The following SLIT3 variants were observed in gnomAD, a reference collection of about 807,000 sequenced individuals.
SLIT3 encodes the protein slit homolog 3 protein.
Under a neutral mutation model 184.0 loss-of-function variants are expected in SLIT3, and 68 were observed. The observed-to-expected ratio is 0.37, with a 90% CI of 0.30 to 0.45. SLIT3 has a LOEUF of 0.45. SLIT3 is among the 20% of genes least tolerant of loss of function. The pLI, the probability that SLIT3 is intolerant of heterozygous loss-of-function variation, is 1.00. For synonymous variants in SLIT3, 831 were observed against 828.6 expected (o/e 1.00, Z -0.05); for missense variants, 1,707 against 2,026.0 (o/e 0.84, Z 3.02).
At chr5:169,077,093 CCTCTT>C (rs1244714849) in intron 4 of SLIT3, among the ~76,000 whole-genome samples, 2 of 152,164 alleles carry the variant, frequency 1.3e-5, no homozygotes, top group Non-Finnish European at 2.9e-5. Flanking sequence ...AACAAACTCT[CCTCTT>C]CTTCCTCCTC....
At chr5:168,857,131 G>A (rs752737979) in intron 5 of SLIT3, among the ~76,000 whole-genome samples, 15 of 152,052 alleles carry the variant, frequency 9.9e-5, no homozygotes, top group Non-Finnish European at 1.9e-4. Flanking sequence ...CCTACTTGGG[G>A]ACCACCTGGG....
At chr5:168,705,812 C>T (rs143957416) in intron 26 of SLIT3, among the ~76,000 whole-genome samples, 105 of 152,286 alleles carry the variant, frequency 6.9e-4, no homozygotes, top group Non-Finnish European at 1.3e-3. Context: ...CCCAGCTCTA[C>T]TACTTTCAGA....
At chr5:168,897,266 C>T (rs1475321136) in intron 4 of SLIT3, among the ~76,000 whole-genome samples, 1 of 152,156 alleles carries the variant, frequency 6.6e-6, no homozygotes, top group Non-Finnish European at 1.5e-5. Context: ...TGAGGCAGGA[C>T]TCCTTGGATG....
chr5:168,952,528 CAAAA>C (rs372134778), intron 4 of SLIT3, among the ~76,000 whole-genome samples: 29 of 77,928 alleles, frequency 3.7e-4, no homozygotes, highest in African/African-American at 1.2e-3. Context: ...GGGAAAATGC[CAAAA>C]AAAAAAAAAA....
At chr5:168,760,667 A>G (rs1026601898) in intron 16 of SLIT3, among the ~76,000 whole-genome samples, 195 bp downstream of exon 16, 14 of 152,178 alleles carry the variant, frequency 9.2e-5, no homozygotes, top group African/African-American at 3.4e-4. Flanking sequence ...CACTCAACTG[A>G]AACCATGAAG....
chr5:168,697,143 A>G (rs527700621), intron 27 of SLIT3, among the ~76,000 whole-genome samples: 1 of 152,180 alleles, frequency 6.6e-6, no homozygotes, highest in South Asian at 2.1e-4. Context: ...CAGGGATGCC[A>G]TTTCTTCCCA....
intron 3 of SLIT3, among the ~76,000 whole-genome samples, chr5:169,204,349 CA>C (rs1202089635): frequency 1.3e-5 from 2 of 151,748 alleles, no homozygotes; most frequent in East Asian, 3.9e-4. Context: ...AGGAGTGGTT[CA>C]AAAAAGAGTG....
At chr5:168,704,722 C>T (rs894767812) in intron 26 of SLIT3, among the ~76,000 whole-genome samples, 2 of 152,124 alleles carry the variant, frequency 1.3e-5, no homozygotes, top group Non-Finnish European at 2.9e-5. Flanking sequence ...CACAGTGATT[C>T]CTGTGCTTTT....
chr5:169,258,014 C>T (rs1220607014), intron 1 of SLIT3, among the ~76,000 whole-genome samples: 5 of 152,178 alleles, frequency 3.3e-5, no homozygotes, highest in African/African-American at 9.7e-5. Flanking sequence ...GTTCATTTAT[C>T]TAATCCAGAC....
intron 3 of SLIT3, among the ~76,000 whole-genome samples, chr5:169,208,851 C>A (rs1280330970): frequency 6.6e-6 from 1 of 152,036 alleles, no homozygotes; most frequent in African/African-American, 2.4e-5. Flanking sequence ...CCATAAAAAC[C>A]CTACAAGAAA....
chr5:169,061,168 T>A (rs1244413771), intron 4 of SLIT3, among the ~76,000 whole-genome samples: 1 of 152,258 alleles, frequency 6.6e-6, no homozygotes, highest in Non-Finnish European at 1.5e-5. Flanking sequence ...TTCCCATGAA[T>A]GTTTTCTTCC....
At position 168,894,366 on chromosome 5, in the gene SLIT3, TA is replaced by T. The variant is rs1237826844; in HGVS notation, c.414-11031del. 1.2e-4 allele frequency among the ~76,000 whole-genome samples: 19 copies of T among 152,152 alleles called. 1 individual carries two copies. In the South Asian group the frequency reaches 3.3e-3, roughly 27 times the overall value. ...CATAGCTTTAAAAAATTTAAGTGGA[TA>T]AAAAAAATAAGTGAACATGATTTTA... On this transcript the variant is annotated intron_variant, in intron 4 of 35. Transcript: ENST00000519560.
intron 4 of SLIT3, among the ~76,000 whole-genome samples, chr5:169,070,391 C>T (rs1330933775): frequency 6.6e-6 from 1 of 152,036 alleles, no homozygotes; most frequent in Non-Finnish European, 1.5e-5. Flanking sequence ...TTTTGATGAC[C>T]ACACACTCTG....
chr5:169,287,597 C>T (rs1767202007), intron 1 of SLIT3, among the ~76,000 whole-genome samples: 1 of 152,068 alleles, frequency 6.6e-6, no homozygotes, highest in African/African-American at 2.4e-5. Context: ...AGGGAGTAGA[C>T]CAGATGATCT....
At chr5:168,966,730 G>T (rs549431417) in intron 4 of SLIT3, among the ~76,000 whole-genome samples, 3 of 152,198 alleles carry the variant, frequency 2.0e-5, no homozygotes, top group Admixed American at 1.3e-4. Context: ...CAAGAGAGAT[G>T]CAAGTCAGAG....
intron 4 of SLIT3, among the ~76,000 whole-genome samples, chr5:168,945,359 TC>T (rs1165601041): frequency 6.6e-6 from 1 of 152,046 alleles, no homozygotes; most frequent in East Asian, 1.9e-4. Context: ...TGCCTCAGCT[TC>T]CCAAGTAGCT....
intron 4 of SLIT3, among the ~76,000 whole-genome samples, chr5:169,175,233 C>A (rs1384264144): frequency 6.6e-6 from 1 of 152,210 alleles, no homozygotes; most frequent in African/African-American, 2.4e-5. Context: ...CCTTGACTGT[C>A]TCCACAACTC....
At chr5:168,822,688 A>G (rs1329490246) in intron 7 of SLIT3, among the ~76,000 whole-genome samples, 1 of 152,162 alleles carries the variant, frequency 6.6e-6, no homozygotes, top group Non-Finnish European at 1.5e-5. Flanking sequence ...CCCACCTAAG[A>G]CATCAAAGGT....
chr5:168,665,610 A>G lies in SLIT3; in HGVS notation c.*844T>C, dbSNP rs1475698142. The G allele has an allele frequency of 6.6e-6, 1 of 152,282 alleles. No individual in the cohort carries two copies. Among genetic ancestry groups the G allele is most frequent in the Non-Finnish European group, 1.5e-5 (1 of 68,082 alleles). 9.4% of individuals were successfully genotyped at this position (152,282 alleles called of 1,614,324 possible). A position where few individuals can be genotyped will look rare whatever the true frequency, so the allele number is the denominator to read the frequency against. The stretch of plus-strand genomic sequence containing the variant: ...AATAGCAGCTGTTTTAAAATTTGGT[A>G]AGACAGTTCCAAATGACACCTGTAG... On this transcript the variant is annotated 3_prime_UTR_variant, in exon 36 of 36. Transcript: ENST00000519560.
Sources: allele counts gnomAD v4.1 joint callset (sites outside exome capture counted in the v4.1 genomes callset), GRCh38; gene constraint gnomAD v4.1.1; transcripts MANE v1.5; gene names NCBI Gene and HGNC (gene_info 2026-07-23, HGNC 2026-07-21).